Variants in CARMIL1 observed in about 807,000 individuals in gnomAD.
CARMIL1 encodes the protein F-actin-uncapping protein LRRC16A.
A neutral mutation model predicts 177.1 loss-of-function variants in CARMIL1; 90 were observed. The observed-to-expected ratio is 0.51, with a 90% CI of 0.43 to 0.61. The LOEUF (loss-of-function observed/expected upper bound fraction) is 0.61. CARMIL1 is among the 20% of genes least tolerant of loss of function. The pLI is 0.00. For missense variants in CARMIL1, 1,380 were observed against 1,667.0 expected, an observed-to-expected ratio of 0.83 and a Z score of 3.00; for synonymous variants, 577 against 606.2, an observed-to-expected ratio of 0.95 and a Z score of 0.71.
intron 29 of CARMIL1, 30 bp downstream of exon 29, chr6:25,556,880 C>A: frequency 6.2e-7 from 1 of 1,606,200 alleles, no homozygotes; most frequent in Non-Finnish European, 8.5e-7. Context: ...GGTACCGTTA[C>A]CCTTTTCACT....
chr6:25,580,773 G>A, intron 29 of CARMIL1, 151 bp from the exon 30 acceptor site: 1 of 608,178 alleles, frequency 1.6e-6, no homozygotes, highest in Non-Finnish European at 2.9e-6. Context: ...TTTAGAAATA[G>A]TTTGGTCTCT....
intron 29 of CARMIL1, among the ~76,000 whole-genome samples, chr6:25,571,167 G>T (rs1372399691): frequency 6.6e-6 from 1 of 152,026 alleles, no homozygotes; most frequent in East Asian, 1.9e-4. Context: ...AACAGGGAAG[G>T]TAGGTCTAGG....
chr6:25,515,883 G>T lies in CARMIL1; in HGVS notation c.1805+36G>T, dbSNP rs763603077. 29 of 1,557,524 alleles carry T rather than the reference G, an allele frequency of 1.9e-5. 1 individual carries two copies. Among genetic ancestry groups the T allele is most frequent in the Middle Eastern group, 3.5e-4 (2 of 5,730 alleles). On this transcript the variant is annotated intron_variant, in intron 21 of 36. Transcript: ENST00000329474. This position sits in a 1 kb window ranked among gnomAD's most constrained non-coding sequence, Gnocchi z 5.0. ...CCCACCCTCCCTGCTCATGAGGAAGGCTTGGAGCAGATTCCGAACAGCAAG... is the reference window on the plus strand; with the variant it reads ...CCCACCCTCCCTGCTCATGAGGAAGTCTTGGAGCAGATTCCGAACAGCAAG...
intron 29 of CARMIL1, among the ~76,000 whole-genome samples, chr6:25,576,552 C>T (rs1812604464): frequency 6.6e-6 from 1 of 152,276 alleles, no homozygotes; most frequent in South Asian, 2.1e-4. Context: ...TGAGACTGGT[C>T]CTGTGGTCCA....
At chr6:25,418,324 G>C (rs1252407780) in intron 2 of CARMIL1, among the ~76,000 whole-genome samples, 1 of 152,212 alleles carries the variant, frequency 6.6e-6, no homozygotes, top group Non-Finnish European at 1.5e-5. Context: ...ACCTTGAAAC[G>C]AGTTCATCAT....
chr6:25,465,929 C>T lies in CARMIL1; in HGVS notation c.671C>T (p.Ser224Phe). Reference protein sequence around the residue: ...LEYNQWFTKLSSKDLKLSTDV... With the variant: ...LEYNQWFTKLFSKDLKLSTDV... Reference sequence around the variant, plus strand: ...TATAATCAGTGGTTCACAAAACTGTCCTCTAAGGATCTAAAACTGGTAAGT... The same window carrying T: ...TATAATCAGTGGTTCACAAAACTGTTCTCTAAGGATCTAAAACTGGTAAGT... Residue 224 changes from serine to phenylalanine, a missense_variant, in exon 9 of 37, where the codon TCC (serine) becomes TTC (phenylalanine). By Grantham distance (155) the Ser-to-Phe change is radical (BLOSUM62 -2). Coordinates refer to ENST00000329474, the MANE Select transcript of CARMIL1 (RefSeq NM_017640.6). 3 of 1,610,844 alleles carry T rather than the reference C, an allele frequency of 1.9e-6. No individual in the cohort carries two copies. The highest frequency in any genetic ancestry group is 2.5e-6 in the Non-Finnish European group (3 of 1,177,180).
At chr6:25,281,770 C>T (rs1781134894) in intron 1 of CARMIL1, among the ~76,000 whole-genome samples, 1 of 152,102 alleles carries the variant, frequency 6.6e-6, no homozygotes, top group Non-Finnish European at 1.5e-5. Flanking sequence ...CGACCGACCA[C>T]ATGAAAACCT....
chr6:25,326,719 G>T lies in CARMIL1; in HGVS notation c.138+41810G>T, dbSNP rs1430891895. 6.6e-6 allele frequency among the ~76,000 whole-genome samples: 1 copy of T among 152,210 alleles called. No homozygotes were observed. Among genetic ancestry groups the T allele is most frequent in the Non-Finnish European group, 1.5e-5 (1 of 68,038 alleles). ...CACTGGTCTAGGGATTGCTGGAGGA[G>T]ATGGTAAGCAGTAGATGGATTCTGG... On this transcript the variant is annotated intron_variant, in intron 2 of 36. Transcript: ENST00000329474. The surrounding 1 kb of genome is among the most constrained non-coding windows in gnomAD (Gnocchi z 4.2).
Position 25,390,312 on chromosome 6 carries a change from A to ATT in CARMIL1, c.139-29801_139-29800insTT, listed in dbSNP as rs1562073521. Among the ~76,000 whole-genome samples the ATT allele has an allele frequency of 8.5e-4, 33 of 38,872 alleles. 1 individual carries two copies. The highest frequency in any genetic ancestry group is 4.8e-3 in the East Asian group (12 of 2,482). The allele number at this position is 38,872 out of a possible 152,430, so 25.5% of individuals were successfully genotyped here. On this transcript the variant is annotated intron_variant, in intron 2 of 36. Coordinates refer to ENST00000329474, the MANE Select transcript of CARMIL1 (RefSeq NM_017640.6). ...TATTTACATATATATATATATATAT[A>ATT]TATATATATTTTTTTTTTTTTTTTT...
At chr6:25,529,182 T>C (rs1807467151) in intron 24 of CARMIL1, among the ~76,000 whole-genome samples, 1 of 152,196 alleles carries the variant, frequency 6.6e-6, no homozygotes, top group African/African-American at 2.4e-5. Context: ...CTGAAAGTGA[T>C]CAAATTTGCT....
At chr6:25,394,865 T>C (rs1285764814) in intron 2 of CARMIL1, among the ~76,000 whole-genome samples, 1 of 152,250 alleles carries the variant, frequency 6.6e-6, no homozygotes, top group Non-Finnish European at 1.5e-5. Flanking sequence ...TTACTGTTTA[T>C]AAGTAAATAT....
chr6:25,581,312 C>G lies in CARMIL1; in HGVS notation c.2879C>G (p.Ser960Cys). The G allele has an allele frequency of 6.2e-7, 1 of 1,613,012 alleles. No homozygotes were observed. Among genetic ancestry groups the G allele is most frequent in the Non-Finnish European group, 8.5e-7 (1 of 1,179,274 alleles). The change falls in exon 31 of 37, where the codon TCC (serine) becomes TGC (cysteine). Residue 960 changes from serine to cysteine, a missense_variant. Physicochemically the swap from Ser to Cys is moderately radical, Grantham distance 112. Coordinates refer to ENST00000329474, the MANE Select transcript of CARMIL1 (RefSeq NM_017640.6). ...CACATCGAAGACCCGCCCTTCCCAT[C>G]CCTCAGACAGGAGAAGCGGAGCTCG... Reference protein sequence around the residue: ...PIHIEDPPFPSLRQEKRSSGF... With the variant: ...PIHIEDPPFPCLRQEKRSSGF...
In CARMIL1 at chr6:25,323,474, T is replaced by G. The variant is rs1313985540; in HGVS notation, c.138+38565T>G. On this transcript the variant is annotated intron_variant, in intron 2 of 36. Transcript: ENST00000329474. ...ACCCCCCAGAATTAGCCAGGTGTGG[T>G]GGCACATGCCTATAGTCCCAGCTAC... is the stretch of plus-strand genomic sequence containing the variant. Among the ~76,000 whole-genome samples, 6 of 149,486 alleles carry G rather than the reference T, an allele frequency of 4.0e-5. No individual in the cohort carries two copies. The East Asian group carries it at 1.2e-3, about 29-fold the overall frequency.
chr6:25,484,048 G>A (rs958849688), intron 12 of CARMIL1, among the ~76,000 whole-genome samples: 2 of 152,152 alleles, frequency 1.3e-5, no homozygotes, highest in African/African-American at 4.8e-5. Context: ...ATGAGCTACT[G>A]AGCCTGGCTG....
chr6:25,524,577 C>A (rs1481549472), intron 23 of CARMIL1, among the ~76,000 whole-genome samples: 1 of 151,980 alleles, frequency 6.6e-6, no homozygotes, highest in Non-Finnish European at 1.5e-5. Context: ...CAGCTTTCAG[C>A]CAAAAATTAC....
At chr6:25,396,432 G>A (rs1362433495) in intron 2 of CARMIL1, among the ~76,000 whole-genome samples, 1 of 150,612 alleles carries the variant, frequency 6.6e-6, no homozygotes, top group Non-Finnish European at 1.5e-5. Context: ...CATGATCTCG[G>A]CTCACTGCAA....
In CARMIL1 at chr6:25,349,603, A is replaced by G. The variant is rs939072410; in HGVS notation, c.138+64694A>G. The stretch of plus-strand genomic sequence containing the variant: ...TGTGGCTTCTCTTTAAAAGATTGGT[A>G]GTTCCCACTGCCTGAGGCCTGTGTT... On this transcript the variant is annotated intron_variant, in intron 2 of 36. Coordinates refer to ENST00000329474, the MANE Select transcript of CARMIL1 (RefSeq NM_017640.6). 6.6e-5 allele frequency among the ~76,000 whole-genome samples: 10 copies of G among 152,228 alleles called. No homozygotes were observed. The East Asian group carries it at 1.7e-3, about 26-fold the overall frequency.
chr6:25,523,676 A>T (rs193127362), intron 23 of CARMIL1, among the ~76,000 whole-genome samples: 1 of 152,322 alleles, frequency 6.6e-6, no homozygotes, highest in Admixed American at 6.5e-5. Flanking sequence ...AACAACAAAA[A>T]AATCTGAACA....
chr6:25,435,530 A>T lies in CARMIL1; in HGVS notation c.297A>T (p.Ser99=). 2.6e-6 allele frequency: 4 copies of T among 1,553,696 alleles called. No individual in the cohort carries two copies. The highest frequency in any genetic ancestry group is 1.2e-5 in the South Asian group (1 of 84,084). The change falls in exon 5 of 37, where the codon TCA becomes TCT. Residue 99 remains serine (S), a synonymous_variant. Transcript: ENST00000329474. ...EKCSISMKMA[S]PEDVSEVLAH... is the part of the protein sequence containing the mutation. ...GCAGCATTTCCATGAAGATGGCGTC[A>T]CCCGAGGACGTGAGTGAGGTGCTGG... is the stretch of plus-strand genomic sequence containing the variant.
Sources: gnomAD v4.1 joint callset for allele counts (sites outside exome capture counted in the v4.1 genomes callset) on GRCh38, gnomAD v4.1.1 for gene constraint, Gnocchi (gnomAD v3.1) non-coding constraint, MANE v1.5 for transcripts, NCBI Gene and HGNC (gene_info 2026-07-23, HGNC 2026-07-21) for gene names.